MED27: variants seen among roughly 807,000 people sequenced by gnomAD.
MED27 encodes mediator complex subunit 27.
MED27 carries 30 observed loss-of-function variants against 38.2 expected under a neutral mutation model. The observed-to-expected ratio is 0.79, with a 90% CI of 0.59 to 1.07. The LOEUF is 1.07. Ranked by LOEUF, MED27 falls within the 50% of genes least tolerant of loss-of-function variation. The probability of loss-of-function intolerance (pLI) is 0.00; values close to 1 mark genes in which losing one functional copy is unlikely to be tolerated. For synonymous variants in MED27, 122 were observed against 153.5 expected (o/e 0.79, Z 1.52); for missense variants, 289 against 397.5 (o/e 0.73, Z 2.32).
At chr9:131,918,356 A>T (rs1431830339) in intron 4 of MED27, among the ~76,000 whole-genome samples, 1 of 152,226 alleles carries the variant, frequency 6.6e-6, no homozygotes, top group Admixed American at 6.5e-5. Flanking sequence ...TGTTATCCTT[A>T]AGTCCTAAAC....
In MED27 at chr9:132,064,359, C is replaced by T. The variant is rs565062845; in HGVS notation, c.348+13083G>A. 7.9e-5 allele frequency among the ~76,000 whole-genome samples: 12 copies of T among 152,152 alleles called. No individual in the cohort carries two copies. The South Asian group carries it at 1.9e-3, about 24-fold the overall frequency. ...AGAGGAGATGTAAACAGACCCAGTC[C>T]GAGATAAAAGGAATAACAAATATGT... On this transcript the variant is annotated intron_variant, in intron 2 of 7. Transcript: ENST00000292035.
chr9:131,956,838 A>C (rs1026827527), intron 3 of MED27, among the ~76,000 whole-genome samples: 10 of 151,056 alleles, frequency 6.6e-5, no homozygotes, highest in Non-Finnish European at 1.2e-4. Flanking sequence ...AAAAAAAAAA[A>C]CACATACACA....
At chr9:131,908,165 A>G (rs1386731457) in intron 4 of MED27, among the ~76,000 whole-genome samples, 5 of 128,450 alleles carry the variant, frequency 3.9e-5, no homozygotes, top group African/African-American at 9.1e-5. Context: ...CGCCCCGTCC[A>G]GGAGGTGAGG....
chr9:131,871,832 C>T (rs942429187), intron 6 of MED27, among the ~76,000 whole-genome samples: 2 of 152,196 alleles, frequency 1.3e-5, no homozygotes, highest in Non-Finnish European at 1.5e-5. Flanking sequence ...GCCAACCTTG[C>T]ACCTCTTTCC....
chr9:131,890,286 C>G lies in MED27; in HGVS notation c.681+3599G>C, dbSNP rs1272849246. 1.6e-4 allele frequency among the ~76,000 whole-genome samples: 25 copies of G among 152,160 alleles called. 1 individual carries two copies. Among genetic ancestry groups the G allele is most frequent in the Admixed American group, 1.6e-3 (25 of 15,276 alleles). On this transcript the variant is annotated intron_variant, in intron 5 of 7. Transcript: ENST00000292035. ...AAATAACAAAGAGGCCTGGTTCTCT[C>G]GGTCTTGCAATTTCCACTTTTAGGG...
intron 4 of MED27, among the ~76,000 whole-genome samples, chr9:131,938,472 A>C (rs1830721742): frequency 6.6e-6 from 1 of 152,214 alleles, no homozygotes; most frequent in Non-Finnish European, 1.5e-5. Flanking sequence ...GCTTCTCATC[A>C]TTGAGGTCTC....
intron 2 of MED27, among the ~76,000 whole-genome samples, chr9:132,029,632 T>A (rs1358836974): frequency 6.6e-6 from 1 of 152,138 alleles, no homozygotes; most frequent in Non-Finnish European, 1.5e-5. Context: ...GAGCAAATTA[T>A]GATATTTAAT....
chr9:131,909,423 G>C (rs1241162754), intron 4 of MED27, among the ~76,000 whole-genome samples: 2 of 152,164 alleles, frequency 1.3e-5, no homozygotes, highest in Non-Finnish European at 2.9e-5. Flanking sequence ...CATTAGTGTG[G>C]ACTCTGAGGG....
At chr9:131,954,241 T>A (rs767712041) in intron 3 of MED27, among the ~76,000 whole-genome samples, 3 of 152,220 alleles carry the variant, frequency 2.0e-5, no homozygotes, top group Non-Finnish European at 4.4e-5. Flanking sequence ...ATCAATCAGC[T>A]GGGAGCTGAC....
chr9:132,025,888 G>A (rs142634135), intron 2 of MED27, among the ~76,000 whole-genome samples: 195 of 152,266 alleles, frequency 1.3e-3, no homozygotes, highest in Non-Finnish European at 2.1e-3. Context: ...TAAGTCTTAG[G>A]AGTGACTGTG....
At chr9:131,905,540 C>T (rs1049876985) in intron 4 of MED27, among the ~76,000 whole-genome samples, 34 of 152,062 alleles carry the variant, frequency 2.2e-4, no homozygotes, top group Admixed American at 1.7e-3. Flanking sequence ...AACAAAACTG[C>T]GTCCTTCCAG....
chr9:131,893,556 T>C (rs1428674432), intron 5 of MED27, among the ~76,000 whole-genome samples: 3 of 152,154 alleles, frequency 2.0e-5, no homozygotes, highest in African/African-American at 7.2e-5. Context: ...ATGCTGAACC[T>C]TGGGCTACTG....
At chr9:131,954,500 T>G (rs555058756) in intron 3 of MED27, among the ~76,000 whole-genome samples, 69 of 152,352 alleles carry the variant, frequency 4.5e-4, no homozygotes, top group African/African-American at 1.7e-3. Context: ...GGGTGCCCTC[T>G]ACAGGTTTAA....
At chr9:132,024,730 A>G (rs780223827) in intron 2 of MED27, among the ~76,000 whole-genome samples, 3 of 152,216 alleles carry the variant, frequency 2.0e-5, no homozygotes, top group Non-Finnish European at 4.4e-5. Flanking sequence ...ACAATCGTCT[A>G]AGGCCTGCAG....
chr9:132,064,377 A>G (rs1833765959), intron 2 of MED27, among the ~76,000 whole-genome samples: 1 of 152,216 alleles, frequency 6.6e-6, no homozygotes, highest in Non-Finnish European at 1.5e-5. Flanking sequence ...AAGGAATAAC[A>G]AATATGTAGC....
intron 3 of MED27, among the ~76,000 whole-genome samples, chr9:131,942,860 G>A (rs1037534218): frequency 6.6e-6 from 1 of 152,246 alleles, no homozygotes; most frequent in East Asian, 1.9e-4. Context: ...AGTTCTAAAT[G>A]GGCAAACAAA....
At chr9:132,040,390 G>T (rs1833181126) in intron 2 of MED27, among the ~76,000 whole-genome samples, 1 of 152,228 alleles carries the variant, frequency 6.6e-6, no homozygotes, top group African/African-American at 2.4e-5. Flanking sequence ...TATACACAGA[G>T]AAATCTAAGT....
At chr9:131,876,756 C>A (rs909468209) in intron 6 of MED27, among the ~76,000 whole-genome samples, 19 of 152,252 alleles carry the variant, frequency 1.2e-4, no homozygotes, top group African/African-American at 4.6e-4. Flanking sequence ...TGTCGCCAGC[C>A]CACTAGCGGG....
chr9:131,994,572 G>C (rs1392815138), intron 3 of MED27, among the ~76,000 whole-genome samples: 1 of 152,230 alleles, frequency 6.6e-6, no homozygotes, highest in Admixed American at 6.5e-5. Context: ...ATCAGGCAGG[G>C]AGCCCTGATT....
Sources: allele counts gnomAD v4.1 joint callset (sites outside exome capture counted in the v4.1 genomes callset), GRCh38; gene constraint gnomAD v4.1.1; transcripts MANE v1.5; gene names NCBI Gene and HGNC (gene_info 2026-07-23, HGNC 2026-07-21).